The following RASSF3 variants were observed in gnomAD, a reference collection of about 807,000 sequenced individuals.
RASSF3 encodes ras association domain-containing protein 3.
RASSF3 carries 19 observed loss-of-function variants against 19.9 expected under a neutral mutation model. That is an observed-to-expected ratio of 0.96 (90% confidence interval 0.67 to 1.40). The LOEUF is 1.40. Ranked by LOEUF, RASSF3 falls within the 40% of genes most tolerant of loss-of-function variation. The probability of loss-of-function intolerance (pLI) is 0.00; values close to 1 mark genes in which losing one functional copy is unlikely to be tolerated. For missense variants in RASSF3, 306 were observed against 289.8 expected (o/e 1.06, Z -0.41); for synonymous variants, 110 against 104.2 (o/e 1.06, Z -0.34).
At chr12:64,581,055 A>G (rs911666696) in intron 2 of RASSF3, among the ~76,000 whole-genome samples, 10 of 151,968 alleles carry the variant, frequency 6.6e-5, no homozygotes, top group African/African-American at 2.4e-4. Context: ...TTACATATAT[A>G]TGTAAAACCT....
intron 1 of RASSF3, among the ~76,000 whole-genome samples, chr12:64,515,305 C>T (rs1868355900): frequency 6.6e-6 from 1 of 152,148 alleles, no homozygotes; most frequent in South Asian, 2.1e-4. Context: ...GATCCATCTG[C>T]CTCTGCCTCC....
intron 1 of RASSF3, among the ~76,000 whole-genome samples, chr12:64,639,881 C>A (rs188339617): frequency 6.6e-6 from 1 of 152,330 alleles, no homozygotes; most frequent in East Asian, 1.9e-4. Context: ...TCTGGTGGAT[C>A]TTGGCCACAA....
intron 1 of RASSF3, among the ~76,000 whole-genome samples, chr12:64,535,937 C>T (rs1311194326): frequency 2.0e-5 from 3 of 151,194 alleles, no homozygotes; most frequent in African/African-American, 7.3e-5. Context: ...TCCGCCCACC[C>T]TGGCCTCCTA....
At chr12:64,684,679 C>T (rs1014282029) in intron 1 of RASSF3, 108 bp from the exon 2 acceptor site, 1 of 702,922 alleles carries the variant, frequency 1.4e-6, no homozygotes, top group Admixed American at 2.1e-5. Flanking sequence ...GATCCGCCCA[C>T]CTCAGCCTCC....
At chr12:64,675,349 A>T (rs1872858404) in intron 1 of RASSF3, among the ~76,000 whole-genome samples, 1 of 152,008 alleles carries the variant, frequency 6.6e-6, no homozygotes, top group South Asian at 2.1e-4. Context: ...GGGGTTTCGC[A>T]ATGTTGCCCA....
intron 1 of RASSF3, among the ~76,000 whole-genome samples, chr12:64,647,527 C>T (rs967642379): frequency 6.6e-6 from 1 of 151,710 alleles, no homozygotes; most frequent in African/African-American, 2.4e-5. Context: ...TCTCCTGTCT[C>T]AGTCTCCAGA....
intron 1 of RASSF3, among the ~76,000 whole-genome samples, chr12:64,648,273 G>A (rs1230746932): frequency 6.6e-6 from 1 of 152,208 alleles, no homozygotes; most frequent in African/African-American, 2.4e-5. Context: ...ATTTCCCGCT[G>A]GACGATTAGT....
At chr12:64,675,600 GA>G in intron 1 of RASSF3, among the ~76,000 whole-genome samples, 1 of 152,226 alleles carries the variant, frequency 6.6e-6, no homozygotes, top group African/African-American at 2.4e-5. Context: ...ACACTCTTTG[GA>G]AAGCATGGCC....
At chr12:64,572,108 GA>G (rs111793989) in intron 2 of RASSF3, among the ~76,000 whole-genome samples, 4 of 151,558 alleles carry the variant, frequency 2.6e-5, no homozygotes, top group African/African-American at 9.7e-5. Context: ...TGTAATTGTA[GA>G]CTTGTGTGTG....
chr12:64,683,609 C>A (rs948557788), intron 1 of RASSF3, among the ~76,000 whole-genome samples: 5 of 152,068 alleles, frequency 3.3e-5, no homozygotes, highest in African/African-American at 4.8e-5. Context: ...TAGTATGAGT[C>A]CGTGAATAGT....
At chr12:64,593,382 T>C (rs868640401) in intron 2 of RASSF3, among the ~76,000 whole-genome samples, 52 of 152,126 alleles carry the variant, frequency 3.4e-4, no homozygotes, top group African/African-American at 9.9e-4. Context: ...ACACCATGCC[T>C]GGCTAATTTT....
chr12:64,535,605 A>G (rs532117847), intron 1 of RASSF3, among the ~76,000 whole-genome samples: 2 of 151,838 alleles, frequency 1.3e-5, no homozygotes, highest in Admixed American at 6.6e-5. Context: ...GGCTCAAGCA[A>G]TCCTCTCACC....
chr12:64,567,022 A>G (rs908962286), intron 2 of RASSF3, among the ~76,000 whole-genome samples: 4 of 152,210 alleles, frequency 2.6e-5, no homozygotes, highest in African/African-American at 7.2e-5. Flanking sequence ...GAGGGCAGGG[A>G]TAATTGATTC....
At chr12:64,665,720 A>G (rs896278727) in intron 1 of RASSF3, among the ~76,000 whole-genome samples, 1 of 152,204 alleles carries the variant, frequency 6.6e-6, no homozygotes, top group African/African-American at 2.4e-5. Flanking sequence ...GGGCATAAAT[A>G]TGACTGCAGA....
intron 1 of RASSF3, among the ~76,000 whole-genome samples, chr12:64,666,088 T>G (rs1273798395): frequency 1.3e-5 from 2 of 152,256 alleles, no homozygotes; most frequent in Admixed American, 1.3e-4. Context: ...AAATGATCAC[T>G]TTTTTATGGA....
chr12:64,677,317 TG>T (rs1872944139), intron 1 of RASSF3, among the ~76,000 whole-genome samples: 1 of 152,240 alleles, frequency 6.6e-6, no homozygotes, highest in South Asian at 2.1e-4. Context: ...ATAGCCCTGA[TG>T]TATATCAACA....
At chr12:64,574,172 G>T (rs1869561775) in intron 2 of RASSF3, among the ~76,000 whole-genome samples, 1 of 151,706 alleles carries the variant, frequency 6.6e-6, no homozygotes. Context: ...TTAGCCGGGT[G>T]TGATGGCTGG....
In RASSF3 at chr12:64,682,398, C is replaced by T. The variant is rs192853572; in HGVS notation, c.112-2389C>T. Reference sequence around the variant, plus strand: ...CATCCTGGCTAATACGGTGAAACCCCGTCTCTACTAAAAATACAATTAGCC... The same window carrying T: ...CATCCTGGCTAATACGGTGAAACCCTGTCTCTACTAAAAATACAATTAGCC... On this transcript the variant is annotated intron_variant, in intron 1 of 4. Coordinates refer to ENST00000542104, the MANE Select transcript of RASSF3 (RefSeq NM_178169.4). Among the ~76,000 whole-genome samples the T allele has an allele frequency of 1.1e-4, 17 of 151,968 alleles. No homozygotes were observed. The East Asian group carries it at 2.7e-3, about 24-fold the overall frequency.
intron 2 of RASSF3, among the ~76,000 whole-genome samples, chr12:64,558,770 C>G (rs529229546): frequency 2.0e-5 from 3 of 152,114 alleles, no homozygotes; most frequent in African/African-American, 4.8e-5. Flanking sequence ...CCTAGGGACC[C>G]GGCCACCCCT....
Sources: gnomAD v4.1 joint callset for allele counts (sites outside exome capture counted in the v4.1 genomes callset) on GRCh38, gnomAD v4.1.1 for gene constraint, MANE v1.5 for transcripts, NCBI Gene and HGNC (gene_info 2026-07-23, HGNC 2026-07-21) for gene names.